The following RCAN2 variants were observed in gnomAD, a reference collection of about 807,000 sequenced individuals.
The protein encoded by RCAN2 is calcipressin-2.
RCAN2 carries 9 observed loss-of-function variants against 23.6 expected under a neutral mutation model. The observed-to-expected ratio is 0.38, with a 90% confidence interval of 0.23 to 0.67. RCAN2 has a LOEUF of 0.67. Ranked by LOEUF, RCAN2 falls within the 30% of genes least tolerant of loss-of-function variation. RCAN2 has a pLI of 0.51. For missense variants in RCAN2, 273 were observed against 302.3 expected (o/e 0.90, Z 0.72); for synonymous variants, 109 against 115.7 (o/e 0.94, Z 0.37).
At chr6:46,282,381 T>TAA (rs746550021) in intron 2 of RCAN2, among the ~76,000 whole-genome samples, 9 of 138,112 alleles carry the variant, frequency 6.5e-5, no homozygotes, top group African/African-American at 1.3e-4. Flanking sequence ...TCATCTCTAC[T>TAA]AAAAAAAAAA....
At chr6:46,346,944 C>T (rs1180008042) in intron 2 of RCAN2, among the ~76,000 whole-genome samples, 2 of 151,962 alleles carry the variant, frequency 1.3e-5, no homozygotes, top group African/African-American at 4.8e-5. Context: ...GGCGTGATCT[C>T]CGCTCACTGC....
intron 2 of RCAN2, among the ~76,000 whole-genome samples, chr6:46,410,595 C>T (rs1045451464): frequency 1.3e-5 from 2 of 152,278 alleles, no homozygotes; most frequent in Middle Eastern, 6.8e-3. Context: ...CTGGAAACAG[C>T]TCTTAAAATG....
chr6:46,399,207 A>G (rs973415324), intron 2 of RCAN2, among the ~76,000 whole-genome samples: 57 of 151,946 alleles, frequency 3.8e-4, no homozygotes, highest in African/African-American at 1.3e-3. Flanking sequence ...AATGGGACCA[A>G]AGCAGACATG....
chr6:46,358,938 T>C (rs1764920231), intron 2 of RCAN2, among the ~76,000 whole-genome samples: 1 of 152,166 alleles, frequency 6.6e-6, no homozygotes, highest in South Asian at 2.1e-4. Flanking sequence ...CTAGGTGACG[T>C]CTGGGGGACT....
At chr6:46,367,022 G>GATATAT (rs60245042) in intron 2 of RCAN2, among the ~76,000 whole-genome samples, 1,873 of 59,578 alleles carry the variant, frequency 0.031, 209 homozygotes, top group East Asian at 0.05. Flanking sequence ...ATCTGGGATG[G>GATATAT]ATATATATAT....
At chr6:46,229,209 C>G (rs1765786980) in intron 4 of RCAN2, among the ~76,000 whole-genome samples, 1 of 152,102 alleles carries the variant, frequency 6.6e-6, no homozygotes, top group Non-Finnish European at 1.5e-5. Context: ...AACATTTTTT[C>G]CTTCATTTCA....
chr6:46,364,186 A>T (rs1031902019), intron 2 of RCAN2, among the ~76,000 whole-genome samples: 2 of 152,284 alleles, frequency 1.3e-5, no homozygotes, highest in African/African-American at 4.8e-5. Context: ...GTTGTCCCAT[A>T]AATCTCTTTA....
intron 2 of RCAN2, among the ~76,000 whole-genome samples, chr6:46,429,765 A>G (rs759866819): frequency 6.6e-6 from 1 of 152,174 alleles, no homozygotes; most frequent in Non-Finnish European, 1.5e-5. Context: ...TGGATCATTC[A>G]TGCTGAGATA....
chr6:46,356,080 GA>G (rs761897512), intron 2 of RCAN2, among the ~76,000 whole-genome samples: 80 of 152,294 alleles, frequency 5.3e-4, no homozygotes, highest in Non-Finnish European at 9.0e-4. Flanking sequence ...CCCTCCTAAG[GA>G]CAAGAAAAGA....
chr6:46,224,214 G>C (rs560834934), intron 4 of RCAN2, among the ~76,000 whole-genome samples: 1 of 152,202 alleles, frequency 6.6e-6, no homozygotes, highest in East Asian at 1.9e-4. Flanking sequence ...GTAAGAGGAG[G>C]GGGTATTCTC....
chr6:46,279,187 C>T lies in RCAN2; in HGVS notation c.226-30291G>A, dbSNP rs191720745. Among the ~76,000 whole-genome samples the T allele has an allele frequency of 1.9e-4, 29 of 152,220 alleles. No individual in the cohort carries two copies. In the East Asian group the frequency reaches 5.2e-3, roughly 27 times the overall value. On this transcript the variant is annotated intron_variant, in intron 2 of 4. Transcript: ENST00000371374. ...TTGATTAAACTTGATTAATAAAAGC[C>T]AAAGTCTTGCTTGCCAGCAAGAAGA... is the stretch of plus-strand genomic sequence containing the variant.
At chr6:46,289,530 G>T (rs905593591) in intron 2 of RCAN2, among the ~76,000 whole-genome samples, 2 of 152,044 alleles carry the variant, frequency 1.3e-5, no homozygotes, top group Non-Finnish European at 2.9e-5. Context: ...GTAGAGAGTG[G>T]GCTGAATATG....
intron 2 of RCAN2, among the ~76,000 whole-genome samples, chr6:46,368,338 G>A (rs1200077437): frequency 6.6e-6 from 1 of 152,106 alleles, no homozygotes; most frequent in South Asian, 2.1e-4. Context: ...ATATGCCTGG[G>A]CAACTTGACT....
At chr6:46,295,106 T>C (rs1027855957) in intron 2 of RCAN2, among the ~76,000 whole-genome samples, 29 of 150,696 alleles carry the variant, frequency 1.9e-4, no homozygotes, top group African/African-American at 6.8e-4. Context: ...GAAGGAGGAG[T>C]GGGGTGACTT....
At chr6:46,264,554 A>C (rs1380254486) in intron 2 of RCAN2, among the ~76,000 whole-genome samples, 1 of 152,170 alleles carries the variant, frequency 6.6e-6, no homozygotes, top group Non-Finnish European at 1.5e-5. Context: ...TAATGATGAA[A>C]CCTTATATAA....
chr6:46,365,081 C>T (rs938937845), intron 2 of RCAN2, among the ~76,000 whole-genome samples: 1 of 152,100 alleles, frequency 6.6e-6, no homozygotes, highest in African/African-American at 2.4e-5. Context: ...TATCCCTCTG[C>T]CCAGCTTATT....
At chr6:46,303,045 A>G (rs1685635481) in intron 2 of RCAN2, among the ~76,000 whole-genome samples, 1 of 152,002 alleles carries the variant, frequency 6.6e-6, no homozygotes, top group African/African-American at 2.4e-5. Flanking sequence ...AGGGGCAGAA[A>G]GAAATTCATG....
chr6:46,372,342 G>A (rs750044140), intron 2 of RCAN2, among the ~76,000 whole-genome samples: 4 of 152,152 alleles, frequency 2.6e-5, no homozygotes, highest in Non-Finnish European at 2.9e-5. Context: ...AATTCTATGA[G>A]CTAGGTATTA....
chr6:46,428,650 A>C (rs1767102039), intron 2 of RCAN2, among the ~76,000 whole-genome samples: 1 of 152,204 alleles, frequency 6.6e-6, no homozygotes, highest in African/African-American at 2.4e-5. Context: ...CTAAATTTTC[A>C]CTATATCTCT....
Sources: allele counts gnomAD v4.1 joint callset (sites outside exome capture counted in the v4.1 genomes callset), GRCh38; gene constraint gnomAD v4.1.1; transcripts MANE v1.5; gene names NCBI Gene and HGNC (gene_info 2026-07-23, HGNC 2026-07-21).